The following TRPM3 variants were observed in gnomAD, a reference collection of about 807,000 sequenced individuals.
TRPM3 encodes transient receptor potential cation channel subfamily M member 3.
Under a neutral mutation model 181.2 loss-of-function variants are expected in TRPM3, and 77 were observed. The observed-to-expected ratio is 0.42, with a 90% CI of 0.35 to 0.51. TRPM3 has a LOEUF of 0.51. Ranked by LOEUF, TRPM3 falls within the 20% of genes least tolerant of loss-of-function variation. The probability of loss-of-function intolerance (pLI) is 0.01; values close to 1 mark genes in which losing one functional copy is unlikely to be tolerated. For synonymous variants in TRPM3, 745 were observed against 796.4 expected, an observed-to-expected ratio of 0.94 and a Z score of 1.09; for missense variants, 1,759 against 2,196.7, an observed-to-expected ratio of 0.80 and a Z score of 3.98.
chr9:70,991,503 C>T lies in TRPM3; in HGVS notation c.178-126992G>A, dbSNP rs182503631. On this transcript the variant is annotated intron_variant, in intron 1 of 25. Coordinates refer to ENST00000677713, the MANE Select transcript of TRPM3 (RefSeq NM_001366145.2). ...TTTGCTGTATCATAATTTTTAGGAACTTGATAGCTGGATTTCCATGCAATT... is the reference window on the plus strand; with the variant it reads ...TTTGCTGTATCATAATTTTTAGGAATTTGATAGCTGGATTTCCATGCAATT... Among the ~76,000 whole-genome samples, 7 of 148,232 alleles carry T rather than the reference C, an allele frequency of 4.7e-5. No homozygotes were observed. The East Asian group carries it at 1.4e-3, about 30-fold the overall frequency.
intron 1 of TRPM3, among the ~76,000 whole-genome samples, chr9:71,011,439 T>A (rs1309310270): frequency 6.6e-6 from 1 of 152,108 alleles, no homozygotes. Context: ...AAACAAAAAA[T>A]CATTTTTTAA....
At chr9:70,672,401 T>C (rs911648494) in intron 9 of TRPM3, among the ~76,000 whole-genome samples, 2 of 152,216 alleles carry the variant, frequency 1.3e-5, no homozygotes, top group African/African-American at 2.4e-5. Context: ...TACAGATTAG[T>C]GTCCAAGAGA....
chr9:70,803,052 AAAAAAAAC>A (rs1357309436), intron 6 of TRPM3, among the ~76,000 whole-genome samples: 1,492 of 129,584 alleles, frequency 0.012, 49 homozygotes, highest in African/African-American at 0.061. Context: ...AAAAAAAAAA[AAAAAAAAC>A]AAAGGCCCAA....
At chr9:71,170,706 C>T (rs1278227635) in intron 1 of TRPM3, among the ~76,000 whole-genome samples, 1 of 152,158 alleles carries the variant, frequency 6.6e-6, no homozygotes, top group Non-Finnish European at 1.5e-5. Context: ...CCTGTCTTCA[C>T]TTTAATCTCT....
At chr9:71,238,138 T>G (rs372869381) in intron 1 of TRPM3, among the ~76,000 whole-genome samples, 22 of 151,784 alleles carry the variant, frequency 1.4e-4, no homozygotes, top group African/African-American at 2.9e-4. Context: ...TAAAAAGTAG[T>G]TTTTTTTCTA....
chr9:71,351,721 A>G (rs561029018), intron 1 of TRPM3, among the ~76,000 whole-genome samples: 2 of 152,208 alleles, frequency 1.3e-5, no homozygotes, highest in African/African-American at 2.4e-5. Flanking sequence ...TTTGCTATAT[A>G]TATTTGTTGG....
chr9:71,226,359 A>T (rs34372503), intron 1 of TRPM3, among the ~76,000 whole-genome samples: 36,413 of 151,930 alleles, frequency 0.24, 5,053 homozygotes, highest in African/African-American at 0.36. Context: ...ATATAAATGG[A>T]CTAAACTCTC....
At chr9:70,677,444 C>T (rs182116126) in intron 9 of TRPM3, among the ~76,000 whole-genome samples, 1 of 152,330 alleles carries the variant, frequency 6.6e-6, no homozygotes, top group African/African-American at 2.4e-5. Context: ...AAAGCTGGCT[C>T]ATCCTTGAAT....
chr9:71,153,245 A>G (rs1221725512), intron 1 of TRPM3, among the ~76,000 whole-genome samples: 1 of 151,608 alleles, frequency 6.6e-6, no homozygotes, highest in African/African-American at 2.4e-5. Flanking sequence ...CTCAGTGTAT[A>G]TGTTGTCAAC....
chr9:70,874,837 T>TAAGG (rs899878518), intron 1 of TRPM3, among the ~76,000 whole-genome samples: 3 of 151,928 alleles, frequency 2.0e-5, no homozygotes, highest in African/African-American at 7.2e-5. Flanking sequence ...AGTGGTCATG[T>TAAGG]AAGGATTAAC....
intron 8 of TRPM3, among the ~76,000 whole-genome samples, chr9:70,697,170 G>A (rs1254613986): frequency 6.6e-6 from 1 of 152,138 alleles, no homozygotes; most frequent in Admixed American, 6.6e-5. Flanking sequence ...AACTAAAGCT[G>A]GTGGGAGAAT....
chr9:71,278,171 G>A (rs2084373053), intron 1 of TRPM3, among the ~76,000 whole-genome samples: 1 of 152,174 alleles, frequency 6.6e-6, no homozygotes. Flanking sequence ...AACAATAACT[G>A]CGGATCTACT....
chr9:70,879,604 C>T (rs1213529372), intron 1 of TRPM3, among the ~76,000 whole-genome samples: 1 of 152,022 alleles, frequency 6.6e-6, no homozygotes, highest in African/African-American at 2.4e-5. Flanking sequence ...CTTTTCAACC[C>T]CTTCCCCACC....
At chr9:70,543,803 C>T (rs1352176027) in intron 25 of TRPM3, among the ~76,000 whole-genome samples, 1 of 152,122 alleles carries the variant, frequency 6.6e-6, no homozygotes, top group African/African-American at 2.4e-5. Flanking sequence ...AAACTTCTGA[C>T]AAGTGAAGCC....
At chr9:71,270,018 T>C (rs187973913) in intron 1 of TRPM3, among the ~76,000 whole-genome samples, 1 of 152,226 alleles carries the variant, frequency 6.6e-6, no homozygotes, top group African/African-American at 2.4e-5. Context: ...ATTGCAATTT[T>C]ACAGGTCATA....
chr9:71,389,455 C>A (rs1037751750), intron 1 of TRPM3, among the ~76,000 whole-genome samples: 1 of 152,050 alleles, frequency 6.6e-6, no homozygotes, highest in Non-Finnish European at 1.5e-5. Flanking sequence ...GTAGAACTAC[C>A]ATTTGATCCA....
rs142038085 is a variant in TRPM3 at position 71,066,327 on chromosome 9, T to C, written c.177+54851A>G. Among the ~76,000 whole-genome samples, 119 of 152,316 alleles carry C rather than the reference T, an allele frequency of 7.8e-4. 1 individual carries two copies. The highest frequency in any genetic ancestry group is 2.8e-3 in the African/African-American group (117 of 41,570). The stretch of plus-strand genomic sequence containing the variant: ...GCATAGTTTGACACCTGAGAAATGC[T>C]AAGTTTCCTGAGAAACTGAGATGTG... On this transcript the variant is annotated intron_variant, in intron 1 of 25. Coordinates refer to ENST00000677713, the MANE Select transcript of TRPM3 (RefSeq NM_001366145.2).
intron 9 of TRPM3, among the ~76,000 whole-genome samples, chr9:70,661,263 A>T (rs2061094733): frequency 6.6e-6 from 1 of 152,170 alleles, no homozygotes; most frequent in Non-Finnish European, 1.5e-5. Flanking sequence ...AACCCTCAAC[A>T]AAACAGGCAT....
chr9:70,786,509 A>G (rs1175159379), intron 6 of TRPM3, among the ~76,000 whole-genome samples: 1 of 151,902 alleles, frequency 6.6e-6, no homozygotes, highest in Admixed American at 6.6e-5. Context: ...AAAACAAAAA[A>G]AGATTAAGGG....
Sources: gnomAD v4.1 joint callset for allele counts (sites outside exome capture counted in the v4.1 genomes callset) on GRCh38, gnomAD v4.1.1 for gene constraint, MANE v1.5 for transcripts, NCBI Gene and HGNC (gene_info 2026-07-23, HGNC 2026-07-21) for gene names.